Variants in RBFOX1 observed in about 807,000 individuals in gnomAD.
The protein encoded by RBFOX1 is RNA binding protein fox-1 homolog 1.
A neutral mutation model predicts 57.7 loss-of-function variants in RBFOX1; 8 were observed. The observed-to-expected ratio is 0.14, with a 90% CI of 0.08 to 0.25. The LOEUF (loss-of-function observed/expected upper bound fraction) is 0.25. Ranked by LOEUF, RBFOX1 falls within the 10% of genes least tolerant of loss-of-function variation. The pLI, the probability that RBFOX1 is intolerant of heterozygous loss-of-function variation, is 1.00. For synonymous variants in RBFOX1, 326 were observed against 222.4 expected (o/e 1.47, Z -4.15); for missense variants, 611 against 548.5 (o/e 1.11, Z -1.14).
chr16:7,156,959 G>A (rs1056250673), intron 4 of RBFOX1, among the ~76,000 whole-genome samples: 5 of 152,100 alleles, frequency 3.3e-5, no homozygotes, highest in East Asian at 1.9e-4. Context: ...AGCAAAAAGT[G>A]CCTTTAAAAA....
In RBFOX1 at chr16:7,479,148, G is replaced by T. The variant is rs116061492; in HGVS notation, c.28-38999G>T. Among the ~76,000 whole-genome samples the T allele has an allele frequency of 6.6e-3, 992 of 151,052 alleles. 9 individuals are homozygous for T. The highest frequency in any genetic ancestry group is 0.023 in the African/African-American group (939 of 41,158). On this transcript the variant is annotated intron_variant, in intron 4 of 15. Coordinates refer to ENST00000550418, the MANE Select transcript of RBFOX1 (RefSeq NM_018723.4). ...TTTTTTAATTTTAATTTTAGGGACA[G>T]GGTCTCGGTCTGTTGCCTAGGCTGG...
chr16:6,746,822 C>G (rs2073777759), intron 3 of RBFOX1, among the ~76,000 whole-genome samples: 1 of 152,054 alleles, frequency 6.6e-6, no homozygotes, highest in Non-Finnish European at 1.5e-5. Flanking sequence ...GATCCCAAGT[C>G]TGTTATAGGA....
intron 3 of RBFOX1, among the ~76,000 whole-genome samples, chr16:5,794,837 T>G (rs1335384924): frequency 6.6e-6 from 1 of 152,210 alleles, no homozygotes; most frequent in African/African-American, 2.4e-5. Context: ...CTCTTATGTA[T>G]TAGCCGCCAA....
chr16:6,145,148 C>A (rs1040730961), intron 1 of RBFOX1, among the ~76,000 whole-genome samples: 1 of 151,948 alleles, frequency 6.6e-6, no homozygotes, highest in Admixed American at 6.6e-5. Flanking sequence ...ATTAAGCCTA[C>A]TGCCCATTAG....
chr16:7,067,951 ATTT>A (rs60401242), intron 4 of RBFOX1, among the ~76,000 whole-genome samples: 1 of 121,182 alleles, frequency 8.3e-6, no homozygotes. Context: ...AGAGGGCGCC[ATTT>A]TTTTTTTTTT....
intron 4 of RBFOX1, among the ~76,000 whole-genome samples, chr16:7,172,266 A>G (rs146031117): frequency 6.6e-5 from 10 of 152,168 alleles, no homozygotes; most frequent in African/African-American, 1.9e-4. Flanking sequence ...GGGTTTTCAA[A>G]CCCCATCAAA....
intron 1 of RBFOX1, among the ~76,000 whole-genome samples, chr16:6,116,353 C>T (rs942063240): frequency 3.3e-5 from 5 of 152,230 alleles, no homozygotes; most frequent in African/African-American, 1.2e-4. Context: ...ACCACCATGG[C>T]ATGTGTATAC....
intron 3 of RBFOX1, among the ~76,000 whole-genome samples, chr16:5,632,774 C>T (rs895143953): frequency 6.6e-6 from 1 of 152,170 alleles, no homozygotes; most frequent in Non-Finnish European, 1.5e-5. Flanking sequence ...ACAAAGTGGT[C>T]ATGAATGAGC....
intron 3 of RBFOX1, among the ~76,000 whole-genome samples, chr16:7,005,715 A>G (rs1324261876): frequency 1.3e-5 from 2 of 152,170 alleles, no homozygotes; most frequent in African/African-American, 4.8e-5. Context: ...GTGGGTCAGG[A>G]CAAGACAAGA....
chr16:5,350,166 TCAGG>T (rs995123446), intron 1 of RBFOX1, among the ~76,000 whole-genome samples: 1 of 152,178 alleles, frequency 6.6e-6, no homozygotes, highest in African/African-American at 2.4e-5. Flanking sequence ...GTGCTTGCTG[TCAGG>T]ATTAACTGGG....
chr16:6,556,212 C>A (rs1275604516), intron 2 of RBFOX1, among the ~76,000 whole-genome samples: 1 of 152,144 alleles, frequency 6.6e-6, no homozygotes, highest in East Asian at 1.9e-4. Flanking sequence ...ATTGGGTGTT[C>A]TTTATCAACG....
intron 3 of RBFOX1, among the ~76,000 whole-genome samples, chr16:6,758,868 T>C (rs2076193180): frequency 6.6e-6 from 1 of 152,082 alleles, no homozygotes; most frequent in Admixed American, 6.6e-5. Flanking sequence ...ATAAGAAACC[T>C]CATCCTAATA....
At chr16:6,076,966 A>T (rs926269578) in intron 1 of RBFOX1, among the ~76,000 whole-genome samples, 1 of 152,164 alleles carries the variant, frequency 6.6e-6, no homozygotes, top group African/African-American at 2.4e-5. Context: ...CAGTGCTAGA[A>T]TCTGGAGGAT....
chr16:7,218,867 C>G (rs1250704683), intron 4 of RBFOX1, among the ~76,000 whole-genome samples: 2 of 152,106 alleles, frequency 1.3e-5, no homozygotes, highest in Admixed American at 1.3e-4. Context: ...TGACTCACCC[C>G]TCCAGCCTCG....
intron 1 of RBFOX1, among the ~76,000 whole-genome samples, chr16:5,345,277 A>T (rs1048806673): frequency 1.3e-5 from 2 of 151,992 alleles, no homozygotes. Context: ...AGTCATGTCC[A>T]AGTCAGGCCA....
intron 9 of RBFOX1, among the ~76,000 whole-genome samples, chr16:7,598,031 A>G (rs1602943831): frequency 6.6e-6 from 1 of 152,302 alleles, no homozygotes; most frequent in East Asian, 1.9e-4. Flanking sequence ...GTTTTTATCA[A>G]TAAAACTTCT....
chr16:6,719,275 A>G (rs998286784), intron 3 of RBFOX1, among the ~76,000 whole-genome samples: 20 of 151,606 alleles, frequency 1.3e-4, no homozygotes, highest in African/African-American at 4.6e-4. Context: ...CTAGGATTCA[A>G]TATTCAACAG....
intron 3 of RBFOX1, among the ~76,000 whole-genome samples, chr16:5,786,246 C>T (rs1036519668): frequency 2.0e-5 from 3 of 152,180 alleles, no homozygotes; most frequent in Non-Finnish European, 4.4e-5. Flanking sequence ...ACTCCTTCCT[C>T]TCTTGCTCCT....
chr16:6,363,969 C>T (rs7202712), intron 2 of RBFOX1, among the ~76,000 whole-genome samples: 2,897 of 152,302 alleles, frequency 0.019, 63 homozygotes, highest in African/African-American at 0.059. Flanking sequence ...ATTGGAAAGA[C>T]ATGAATGTAG....
Sources: allele counts gnomAD v4.1 joint callset (sites outside exome capture counted in the v4.1 genomes callset), GRCh38; gene constraint gnomAD v4.1.1; transcripts MANE v1.5; gene names NCBI Gene and HGNC (gene_info 2026-07-23, HGNC 2026-07-21).